Variants in NEK11 observed in about 807,000 individuals in gnomAD.
The protein encoded by NEK11 is NIMA related kinase 11.
A neutral mutation model predicts 80.7 loss-of-function variants in NEK11; 72 were observed. The observed-to-expected ratio is 0.89, with a 90% CI of 0.74 to 1.08. The LOEUF (loss-of-function observed/expected upper bound fraction) is 1.08, where lower values mean the gene tolerates loss of function less well. Among genes scored for constraint, NEK11 ranks in the 50% least tolerant of loss-of-function variants. The pLI is 0.00. For synonymous variants in NEK11, 251 were observed against 260.7 expected, an observed-to-expected ratio of 0.96 and a Z score of 0.36; for missense variants, 764 against 763.6, an observed-to-expected ratio of 1.00 and a Z score of -0.01.
chr3:131,156,650 T>C (rs932162530), intron 10 of NEK11, among the ~76,000 whole-genome samples: 22 of 152,312 alleles, frequency 1.4e-4, no homozygotes, highest in African/African-American at 5.1e-4. Flanking sequence ...AATAACACTC[T>C]CTCAATTCAA....
chr3:131,042,838 C>T (rs552793632), intron 3 of NEK11, among the ~76,000 whole-genome samples: 3 of 152,242 alleles, frequency 2.0e-5, no homozygotes, highest in South Asian at 2.1e-4. Flanking sequence ...CAGCAGGGGT[C>T]GACAGGTACC....
intron 3 of NEK11, among the ~76,000 whole-genome samples, chr3:131,071,599 A>G (rs1196513656): frequency 6.6e-6 from 1 of 151,990 alleles, no homozygotes. Flanking sequence ...GTTTTTAAAT[A>G]ACTTAAAAAA....
chr3:131,211,681 T>C (rs1187947877), intron 14 of NEK11, among the ~76,000 whole-genome samples: 1 of 152,174 alleles, frequency 6.6e-6, no homozygotes, highest in African/African-American at 2.4e-5. Context: ...TTACTCTTCT[T>C]TCTCTAAACT....
intron 14 of NEK11, among the ~76,000 whole-genome samples, chr3:131,195,793 AAT>A (rs58272752): frequency 0.018 from 2,401 of 133,818 alleles, 37 homozygotes; most frequent in Middle Eastern, 0.077. Flanking sequence ...TATATTTCAG[AAT>A]ATATATATAT....
At chr3:131,063,921 C>A (rs1279060573) in intron 3 of NEK11, among the ~76,000 whole-genome samples, 3 of 152,070 alleles carry the variant, frequency 2.0e-5, no homozygotes, top group African/African-American at 7.2e-5. Context: ...AAGGTAGAAA[C>A]AACCCAAGTG....
chr3:131,280,289 G>A (rs565140132), intron 17 of NEK11, among the ~76,000 whole-genome samples: 1 of 152,250 alleles, frequency 6.6e-6, no homozygotes, highest in East Asian at 1.9e-4. Flanking sequence ...GTAGGGATAC[G>A]TGTTCTCCAC....
intron 16 of NEK11, among the ~76,000 whole-genome samples, chr3:131,246,902 T>C (rs2095611593): frequency 6.6e-6 from 1 of 152,128 alleles, no homozygotes; most frequent in African/African-American, 2.4e-5. Context: ...TGTTGGCCAT[T>C]TGTATATCTT....
intron 17 of NEK11, among the ~76,000 whole-genome samples, chr3:131,349,068 T>C (rs2097412784): frequency 6.6e-6 from 1 of 152,304 alleles, no homozygotes; most frequent in African/African-American, 2.4e-5. Context: ...ATTTTTCCAA[T>C]ATGTTTTAGC....
intron 10 of NEK11, among the ~76,000 whole-genome samples, chr3:131,156,791 C>A (rs2090720557): frequency 6.6e-6 from 1 of 152,102 alleles, no homozygotes; most frequent in Non-Finnish European, 1.5e-5. Flanking sequence ...AAAGTGCTTA[C>A]AAGCATGGGG....
chr3:131,117,287 GA>G (rs1265918060), intron 5 of NEK11, among the ~76,000 whole-genome samples: 2 of 152,198 alleles, frequency 1.3e-5, no homozygotes, highest in African/African-American at 4.8e-5. Flanking sequence ...GATAGTTGTA[GA>G]TGTGTGGTAT....
At chr3:131,100,917 C>T (rs2078275102) in intron 4 of NEK11, among the ~76,000 whole-genome samples, 1 of 151,994 alleles carries the variant, frequency 6.6e-6, no homozygotes, top group South Asian at 2.1e-4. Context: ...TATTGCAGAG[C>T]TCAGTATTGG....
intron 7 of NEK11, among the ~76,000 whole-genome samples, chr3:131,137,482 A>T (rs761325886): frequency 6.6e-6 from 1 of 152,034 alleles, no homozygotes; most frequent in Non-Finnish European, 1.5e-5. Context: ...GGAGCAAAAG[A>T]ATTAATTTTT....
At chr3:131,187,993 A>G (rs998444529) in intron 14 of NEK11, among the ~76,000 whole-genome samples, 1 of 152,146 alleles carries the variant, frequency 6.6e-6, no homozygotes, top group South Asian at 2.1e-4. Context: ...AAAATAGCTA[A>G]CAGTCATTAG....
At chr3:131,288,456 T>TC (rs377246563) in intron 17 of NEK11, among the ~76,000 whole-genome samples, 4 of 140,970 alleles carry the variant, frequency 2.8e-5, no homozygotes, top group African/African-American at 5.2e-5. Flanking sequence ...CTTTCTTTTT[T>TC]TTTTTTTTTT....
At chr3:131,066,464 G>T (rs2071972570) in intron 3 of NEK11, among the ~76,000 whole-genome samples, 1 of 152,064 alleles carries the variant, frequency 6.6e-6, no homozygotes, top group African/African-American at 2.4e-5. Flanking sequence ...TTGTTGTGAA[G>T]CTCATTGGAC....
intron 14 of NEK11, among the ~76,000 whole-genome samples, chr3:131,171,622 T>C (rs1009321725): frequency 6.6e-6 from 1 of 152,198 alleles, no homozygotes; most frequent in Non-Finnish European, 1.5e-5. Flanking sequence ...GAAATAAGAA[T>C]AATAATGCCT....
intron 4 of NEK11, among the ~76,000 whole-genome samples, chr3:131,099,558 A>G (rs1481160903): frequency 2.6e-5 from 4 of 152,204 alleles, no homozygotes; most frequent in Non-Finnish European, 2.9e-5. Flanking sequence ...TGCTTAGGGC[A>G]GTATGGCTAT....
intron 3 of NEK11, among the ~76,000 whole-genome samples, chr3:131,078,503 A>G (rs1236397302): frequency 6.6e-6 from 1 of 151,948 alleles, no homozygotes; most frequent in Non-Finnish European, 1.5e-5. Context: ...GAGAAATGGG[A>G]TGGGGGAATA....
chr3:131,155,133 C>T lies in NEK11; in HGVS notation c.962+12C>T. On this transcript the variant is annotated intron_variant, in intron 10 of 17. Transcript: ENST00000383366. ...ATAATTAATGCCATGTAAGTAATTG[C>T]TTTGTTTTTAAAAAGCCCATCGAGT... The T allele has an allele frequency of 6.4e-7, 1 of 1,562,050 alleles. No homozygotes were observed. The highest frequency in any genetic ancestry group is 8.8e-7 in the Non-Finnish European group (1 of 1,133,582).
Sources: gnomAD v4.1 joint callset for allele counts (sites outside exome capture counted in the v4.1 genomes callset) on GRCh38, gnomAD v4.1.1 for gene constraint, MANE v1.5 for transcripts, NCBI Gene and HGNC (gene_info 2026-07-23, HGNC 2026-07-21) for gene names.